IREB2: variants seen among roughly 807,000 people sequenced by gnomAD.
IREB2 encodes the protein iron-responsive element-binding protein 2.
A neutral mutation model predicts 118.8 loss-of-function variants in IREB2; 39 were observed. The observed-to-expected ratio is 0.33, with a 90% CI of 0.25 to 0.43. The LOEUF is 0.43. Ranked by LOEUF, IREB2 falls within the 20% of genes least tolerant of loss-of-function variation. The pLI, the probability that IREB2 is intolerant of heterozygous loss-of-function variation, is 1.00. For missense variants in IREB2, 900 were observed against 1,147.3 expected (o/e 0.78, Z 3.11); for synonymous variants, 372 against 392.2 (o/e 0.95, Z 0.61).
chr15:78,465,713 T>G (rs1196842311), intron 4 of IREB2, among the ~76,000 whole-genome samples: 1 of 152,226 alleles, frequency 6.6e-6, no homozygotes, highest in Admixed American at 6.5e-5. Context: ...ATGTGAGTCA[T>G]GAATGTTTTT....
chr15:78,479,025 C>T (rs913057326), intron 10 of IREB2, among the ~76,000 whole-genome samples: 3 of 152,216 alleles, frequency 2.0e-5, no homozygotes, highest in African/African-American at 7.2e-5. Context: ...GTAGCCTCAA[C>T]CTCTGTGCTC....
intron 2 of IREB2, among the ~76,000 whole-genome samples, chr15:78,447,438 C>G (rs2050949532): frequency 6.6e-6 from 1 of 151,696 alleles, no homozygotes; most frequent in African/African-American, 2.4e-5. Flanking sequence ...TCAAGCAATT[C>G]TCCTGCCTCA....
At chr15:78,486,477 C>T (rs2051661492) in intron 13 of IREB2, among the ~76,000 whole-genome samples, 1 of 152,140 alleles carries the variant, frequency 6.6e-6, no homozygotes, top group African/African-American at 2.4e-5. Flanking sequence ...TGGTGACGCA[C>T]ACCCATAGTC....
chr15:78,491,646 C>T (rs915299160), intron 18 of IREB2, among the ~76,000 whole-genome samples: 5 of 151,990 alleles, frequency 3.3e-5, no homozygotes, highest in East Asian at 1.9e-4. Context: ...TACAGGCACG[C>T]GCCACCATGC....
In IREB2 at chr15:78,466,930, A is replaced by G. The variant is rs150278946; in HGVS notation, c.629+441A>G. 2.6e-5 allele frequency among the ~76,000 whole-genome samples: 4 copies of G among 152,140 alleles called. No individual in the cohort carries two copies. The East Asian group carries it at 5.8e-4, about 22-fold the overall frequency. On this transcript the variant is annotated intron_variant, in intron 5 of 21. Coordinates refer to ENST00000258886, the MANE Select transcript of IREB2 (RefSeq NM_004136.4). Reference sequence around the variant, plus strand: ...CTTTTCCTATTGCATTAAGAGCTCTATGTTGGCTGGGCGTAGTGGCTCATG... The same window carrying G: ...CTTTTCCTATTGCATTAAGAGCTCTGTGTTGGCTGGGCGTAGTGGCTCATG...
intron 2 of IREB2, among the ~76,000 whole-genome samples, chr15:78,455,702 A>G (rs1262517274): frequency 4.6e-5 from 7 of 152,228 alleles, no homozygotes; most frequent in Non-Finnish European, 8.8e-5. Flanking sequence ...AAATGGAATA[A>G]TTTATATAAA....
chr15:78,494,381 G>A, intron 20 of IREB2, 117 bp downstream of exon 20: 1 of 1,002,610 alleles, frequency 1.0e-6, no homozygotes, highest in Non-Finnish European at 1.5e-6. Context: ...AACCTTATAG[G>A]TATAGAGGGT....
At chr15:78,459,516 A>C (rs2051162462) in intron 2 of IREB2, among the ~76,000 whole-genome samples, 1 of 151,946 alleles carries the variant, frequency 6.6e-6, no homozygotes, top group Non-Finnish European at 1.5e-5. Context: ...TGCCAGGCTA[A>C]TTTTTGTATT....
At chr15:78,477,514 C>T (rs753283920) in intron 9 of IREB2, among the ~76,000 whole-genome samples, 2 of 152,122 alleles carry the variant, frequency 1.3e-5, no homozygotes, top group Non-Finnish European at 2.9e-5. Flanking sequence ...GGCTTGCTCA[C>T]GTGGTAGATT....
At chr15:78,451,724 T>A (rs942044349) in intron 2 of IREB2, among the ~76,000 whole-genome samples, 1 of 152,100 alleles carries the variant, frequency 6.6e-6, no homozygotes, top group Non-Finnish European at 1.5e-5. Context: ...AGTTTCACTC[T>A]AGTCTCCCAG....
chr15:78,489,884 T>G (rs921595508), intron 16 of IREB2, among the ~76,000 whole-genome samples: 1 of 152,098 alleles, frequency 6.6e-6, no homozygotes, highest in Non-Finnish European at 1.5e-5. Context: ...AAGCAGAGGT[T>G]TTTCTCCATT....
Position 78,488,275 on chromosome 15 carries a change from C to A in IREB2, c.1890C>A (p.Pro630=), listed in dbSNP as rs2051693457. Residue 630 remains proline, a synonymous_variant, in exon 15 of 22, where the codon CCC becomes CCA. Transcript: ENST00000258886. ...CVRANYLASP[P]LVVAYAIAGT... is the part of the protein sequence containing the mutation. ...GTGCCAATTATCTTGCCTCTCCACC[C>A]TTAGTGGTAGCTTATGCCATAGCAG... 1.2e-6 allele frequency: 2 copies of A among 1,611,114 alleles called. No individual in the cohort carries two copies. The highest frequency in any genetic ancestry group is 1.7e-6 in the Non-Finnish European group (2 of 1,179,116).
intron 2 of IREB2, 79 bp from the exon 3 acceptor site, chr15:78,462,843 A>G (rs1226554936): frequency 4.4e-6 from 5 of 1,138,980 alleles, no homozygotes; most frequent in Non-Finnish European, 6.1e-6. Context: ...GTCTTTGTCT[A>G]ACTTTTTGCT....
intron 1 of IREB2, among the ~76,000 whole-genome samples, chr15:78,439,443 T>C (rs2050810228): frequency 6.6e-6 from 1 of 152,212 alleles, no homozygotes. Flanking sequence ...ATCATTCTTA[T>C]TGTCCCTTTC....
chr15:78,457,229 ATTT>A (rs964824182), intron 2 of IREB2, among the ~76,000 whole-genome samples: 1 of 151,110 alleles, frequency 6.6e-6, no homozygotes, highest in South Asian at 2.1e-4. Flanking sequence ...TCTATTGGTT[ATTT>A]TTTTTTCTTC....
At chr15:78,467,708 A>G (rs2051307843) in intron 5 of IREB2, among the ~76,000 whole-genome samples, 1 of 152,166 alleles carries the variant, frequency 6.6e-6, no homozygotes, top group African/African-American at 2.4e-5. Context: ...AAAAAGTCAT[A>G]CAGCTTTTTA....
At position 78,490,646 on chromosome 15, in the gene IREB2, A is replaced by G. The variant is rs1258459751; in HGVS notation, c.2209A>G (p.Ile737Val). ...CAAAGAGCCAATTGCACTCCAGGCT[A>G]TTGAAAATGCCCATGTCTTATTATA... ...LTKEPIALQA[I>V]ENAHVLLYLG... Residue 737 changes from isoleucine (I) to valine (V), a missense_variant, in exon 18 of 22, where the codon ATT becomes GTT. Transcript: ENST00000258886. The G allele has an allele frequency of 3.7e-6, 6 of 1,614,162 alleles. No homozygotes were observed. The highest frequency in any genetic ancestry group is 1.3e-5 in the African/African-American group (1 of 75,052).
chr15:78,478,953 T>C (rs2051521633), intron 10 of IREB2, among the ~76,000 whole-genome samples: 1 of 152,122 alleles, frequency 6.6e-6, no homozygotes, highest in Non-Finnish European at 1.5e-5. Flanking sequence ...TTGTTTTGCT[T>C]TTTGAGACCC....
intron 1 of IREB2, 68 bp downstream of exon 1, chr15:78,438,424 T>C (rs923337467): frequency 6.5e-7 from 1 of 1,544,164 alleles, no homozygotes; most frequent in Non-Finnish European, 8.8e-7. Flanking sequence ...CCGAATTCCT[T>C]GCTTTTCTCG....
Sources: allele counts gnomAD v4.1 joint callset (sites outside exome capture counted in the v4.1 genomes callset), GRCh38; gene constraint gnomAD v4.1.1; transcripts MANE v1.5; gene names NCBI Gene and HGNC (gene_info 2026-07-23, HGNC 2026-07-21).